GRM8: variants seen among roughly 807,000 people sequenced by gnomAD.
GRM8 encodes glutamate metabotropic receptor 8, also known as metabotropic glutamate receptor 8.
In GRM8, 47 loss-of-function variants were observed where a neutral mutation model predicts 87.2. The observed-to-expected ratio is 0.54, with a 90% CI of 0.43 to 0.69. GRM8 has a LOEUF of 0.69. Among genes scored for constraint, GRM8 ranks in the 30% least tolerant of loss-of-function variants. The probability of loss-of-function intolerance (pLI) is 0.00; values close to 1 mark genes in which losing one functional copy is unlikely to be tolerated. For synonymous variants in GRM8, 396 were observed against 404.5 expected (o/e 0.98, Z 0.25); for missense variants, 1,019 against 1,139.2 (o/e 0.89, Z 1.52).
intron 2 of GRM8, among the ~76,000 whole-genome samples, chr7:127,154,832 ATTTC>A (rs1362044490): frequency 1.3e-5 from 2 of 152,170 alleles, no homozygotes; most frequent in Non-Finnish European, 2.9e-5. Context: ...ATGAAAACTG[ATTTC>A]TTTATTCTAT....
intron 2 of GRM8, among the ~76,000 whole-genome samples, chr7:127,241,440 T>G (rs1200064102): frequency 6.7e-6 from 1 of 149,406 alleles, no homozygotes; most frequent in African/African-American, 2.5e-5. Flanking sequence ...TTTTTTTCTT[T>G]TTTTTTTTTT....
intron 2 of GRM8, among the ~76,000 whole-genome samples, chr7:127,215,886 TA>T (rs908148434): frequency 1.3e-5 from 2 of 151,882 alleles, no homozygotes; most frequent in Non-Finnish European, 1.5e-5. Context: ...TTTCTAGAAC[TA>T]AAAAAAATGT....
At chr7:126,807,791 A>G (rs1049782212) in intron 6 of GRM8, among the ~76,000 whole-genome samples, 1 of 152,170 alleles carries the variant, frequency 6.6e-6, no homozygotes, top group Non-Finnish European at 1.5e-5. Context: ...ATTAAAAGCT[A>G]TAATTAAGGA....
intron 3 of GRM8, among the ~76,000 whole-genome samples, chr7:126,955,968 C>T (rs2131637990): frequency 6.6e-6 from 1 of 152,064 alleles, no homozygotes; most frequent in South Asian, 2.1e-4. Context: ...TAAAAAAGAA[C>T]TTGGATGGTC....
intron 6 of GRM8, among the ~76,000 whole-genome samples, chr7:126,892,147 T>TTTA (rs1801098523): frequency 6.6e-6 from 1 of 151,880 alleles, no homozygotes; most frequent in African/African-American, 2.4e-5. Flanking sequence ...CTTTTTAAAT[T>TTTA]TTATTATTAT....
chr7:126,767,224 C>T (rs1239409342), intron 7 of GRM8, among the ~76,000 whole-genome samples: 3 of 152,028 alleles, frequency 2.0e-5, no homozygotes, highest in Non-Finnish European at 4.4e-5. Context: ...CATCAGGGCT[C>T]AAAAGAGTTA....
chr7:126,680,555 G>A (rs1807434431), intron 7 of GRM8, among the ~76,000 whole-genome samples: 1 of 151,964 alleles, frequency 6.6e-6, no homozygotes. Context: ...CTTATTGTTA[G>A]GTCTTGCCTC....
At chr7:127,103,441 G>A (rs949980094) in intron 3 of GRM8, among the ~76,000 whole-genome samples, 7 of 152,100 alleles carry the variant, frequency 4.6e-5, no homozygotes, top group Non-Finnish European at 7.4e-5. Flanking sequence ...TTCACCTTCT[G>A]CCATGATTGT....
intron 6 of GRM8, among the ~76,000 whole-genome samples, chr7:126,834,243 C>T (rs1033748138): frequency 6.6e-6 from 1 of 152,154 alleles, no homozygotes; most frequent in African/African-American, 2.4e-5. Context: ...AAACACCTGG[C>T]TAGAATCCTC....
At chr7:126,591,935 C>T (rs1340941193) in intron 8 of GRM8, among the ~76,000 whole-genome samples, 5 of 151,604 alleles carry the variant, frequency 3.3e-5, no homozygotes, top group Admixed American at 2.0e-4. Context: ...ACAACTGATA[C>T]ATCAGAAACA....
intron 9 of GRM8, among the ~76,000 whole-genome samples, chr7:126,471,070 A>G (rs1484785482): frequency 6.6e-6 from 1 of 151,992 alleles, no homozygotes; most frequent in Admixed American, 6.6e-5. Context: ...GTTTGAGTTC[A>G]TTGTAGATTC....
chr7:126,987,406 G>T (rs1032681843), intron 3 of GRM8, among the ~76,000 whole-genome samples: 1 of 151,038 alleles, frequency 6.6e-6, no homozygotes, highest in Non-Finnish European at 1.5e-5. Flanking sequence ...TATATTAAGT[G>T]TTACGTTCTT....
At chr7:127,114,150 T>A (rs1320974361) in intron 2 of GRM8, among the ~76,000 whole-genome samples, 1 of 152,204 alleles carries the variant, frequency 6.6e-6, no homozygotes, top group East Asian at 1.9e-4. Context: ...CGACAGTTAT[T>A]AAGATTCCTG....
At chr7:126,750,102 TAATG>T (rs1248631745) in intron 7 of GRM8, among the ~76,000 whole-genome samples, 1 of 152,082 alleles carries the variant, frequency 6.6e-6, no homozygotes, top group Non-Finnish European at 1.5e-5. Context: ...GTCCATCAAC[TAATG>T]AATGAATACA....
chr7:127,216,535 C>CAAAAAAAAAAAAAA (rs796757040), intron 2 of GRM8, among the ~76,000 whole-genome samples: 1 of 115,960 alleles, frequency 8.6e-6, no homozygotes. Flanking sequence ...AAAAAAAAAA[C>CAAAAAAAAAAAAAA]AAAAAAAAAA....
At chr7:126,547,859 A>G (rs1459205564) in intron 8 of GRM8, among the ~76,000 whole-genome samples, 1 of 151,954 alleles carries the variant, frequency 6.6e-6, no homozygotes, top group Non-Finnish European at 1.5e-5. Flanking sequence ...GAGAACAAAT[A>G]GATCATAAAA....
chr7:126,833,199 G>A (rs567719579), intron 6 of GRM8, among the ~76,000 whole-genome samples: 3 of 152,286 alleles, frequency 2.0e-5, no homozygotes, highest in Admixed American at 6.5e-5. Flanking sequence ...GCAGCTGGTG[G>A]AAAGAGATAC....
intron 7 of GRM8, among the ~76,000 whole-genome samples, chr7:126,711,293 G>A (rs6976797): frequency 6.6e-6 from 1 of 152,042 alleles, no homozygotes; most frequent in African/African-American, 2.4e-5. Context: ...CAACATTAAA[G>A]TCCTTGTATA....
intron 3 of GRM8, among the ~76,000 whole-genome samples, chr7:127,044,844 C>G (rs1243418563): frequency 6.6e-6 from 1 of 152,146 alleles, no homozygotes; most frequent in South Asian, 2.1e-4. Context: ...CAATCTTTTT[C>G]TTTAGTACAC....
Sources: gnomAD v4.1 joint callset for allele counts (sites outside exome capture counted in the v4.1 genomes callset) on GRCh38, gnomAD v4.1.1 for gene constraint, MANE v1.5 for transcripts, NCBI Gene and HGNC (gene_info 2026-07-23, HGNC 2026-07-21) for gene names.